Variants in PKD1 observed in about 807,000 individuals in gnomAD.
The protein encoded by PKD1 is polycystin 1, transient receptor potential channel interacting.
A neutral mutation model predicts 361.7 loss-of-function variants in PKD1; 81 were observed. The observed-to-expected ratio is 0.22, with a 90% CI of 0.19 to 0.27. The LOEUF is 0.27. Among genes scored for constraint, PKD1 ranks in the 10% least tolerant of loss-of-function variants. The probability of loss-of-function intolerance (pLI) is 1.00; values close to 1 mark genes in which losing one functional copy is unlikely to be tolerated. For synonymous variants in PKD1, 3,615 were observed against 2,818.3 expected (o/e 1.28, Z -8.95); for missense variants, 6,399 against 6,118.3 (o/e 1.05, Z -1.53).
chr16:2,134,998 C>T (rs1198399262), intron 1 of PKD1: 1 of 572,174 alleles, frequency 1.7e-6, no homozygotes, highest in Admixed American at 6.5e-5. Flanking sequence ...TCTTTGCTCA[C>T]ACCGTTCACC....
In PKD1 at chr16:2,110,720, G is replaced by A. The variant is rs1567200098; in HGVS notation, c.4447C>T (p.Gln1483Ter). The A allele has an allele frequency of 6.2e-7, 1 of 1,610,386 alleles. No homozygotes were observed. Among genetic ancestry groups the A allele is most frequent in the Non-Finnish European group, 8.5e-7 (1 of 1,179,654 alleles). The part of the protein sequence containing the change: ...VNGSLGLELQ[Q>*]PYLFSAVGRG... ...CCCACAGCAGAGAACAGGTACGGCT[G>A]CTGCAGCTCCAGCCCAAGGGAGCCA... The change falls in exon 15 of 46, where the codon CAG becomes TAG. Residue 1483 changes from glutamine (Q) to a stop codon, truncating the protein, a stop_gained. Coordinates refer to ENST00000262304, the MANE Select transcript of PKD1 (RefSeq NM_001009944.3). LOFTEE classifies it high-confidence loss of function.
intron 34 of PKD1, 71 bp from the exon 35 acceptor site, chr16:2,094,281 C>T (rs1468424592): frequency 2.0e-6 from 2 of 978,176 alleles, no homozygotes; most frequent in Non-Finnish European, 1.6e-6. Flanking sequence ...CCATGTTAAC[C>T]TGGGCGGGCA....
chr16:2,095,805 G>A (rs539813268), intron 34 of PKD1, among the ~76,000 whole-genome samples: 24 of 152,342 alleles, frequency 1.6e-4, no homozygotes, highest in African/African-American at 5.1e-4. Context: ...CTGAGCTGCC[G>A]TCAGAAATCC....
In PKD1 at chr16:2,117,921, G is replaced by T; in HGVS notation, c.1071C>A (p.Ala357=). Residue 357 remains alanine, a synonymous_variant, in exon 5 of 46, where the codon GCC becomes GCA. Coordinates refer to ENST00000262304, the MANE Select transcript of PKD1 (RefSeq NM_001009944.3). ...AGGACGGGCACACGAGCTCCAGGGC[G>T]GCAGGTGCCGCTTCCACCTGCACGT... ...GTDVQVEAAP[A]ALELVCPSSV... 7.9e-7 allele frequency: 1 copy of T among 1,268,516 alleles called. No homozygotes were observed. The highest frequency in any genetic ancestry group is 1.1e-6 in the Non-Finnish European group (1 of 902,698). The allele number at this position is 1,268,516 out of a possible 1,614,324, so 78.6% of individuals were successfully genotyped here. A position where few individuals can be genotyped will look rare whatever the true frequency, so the allele number is the denominator to read the frequency against.
At chr16:2,099,153 T>G in intron 30 of PKD1, 1 of 325,206 alleles carries the variant, frequency 3.1e-6, no homozygotes. Context: ...TTTATATAGA[T>G]GGGGTCTTGC....
Position 2,106,651 on chromosome 16 carries a change from G to A in PKD1, c.7236C>T (p.Asn2412=), listed in dbSNP as rs1400898472. ...TGGTCTCATCCAGCACCAGCGTCTT[G>A]TTGCTGAACGTACGTGCAGCCCACC... ...RGRWAARTFS[N]KTLVLDETTT... The change falls in exon 18 of 46, where the codon AAC becomes AAT. Residue 2412 remains asparagine (N), a synonymous_variant. Coordinates refer to ENST00000262304, the MANE Select transcript of PKD1 (RefSeq NM_001009944.3). This position sits in a 1 kb window ranked among gnomAD's most constrained non-coding sequence, Gnocchi z 6.5. 3.8e-6 allele frequency: 6 copies of A among 1,597,588 alleles called. No homozygotes were observed. The highest frequency in any genetic ancestry group is 1.3e-5 in the African/African-American group (1 of 74,928).
At chr16:2,116,347 G>T (rs751349534) in intron 8 of PKD1, among the ~76,000 whole-genome samples, 182 bp downstream of exon 8, 1 of 152,216 alleles carries the variant, frequency 6.6e-6, no homozygotes. Flanking sequence ...CAGAGAAAAG[G>T]CCTGGAGGTA....
rs1555445411 is a variant in PKD1, at chr16:2,091,319, G to GGCGGGGCGCTGCGA, written c.11712+103_11712+104insTCGCAGCGCCCCGC. On this transcript the variant is annotated intron_variant, in intron 42 of 45. Coordinates refer to ENST00000262304, the MANE Select transcript of PKD1 (RefSeq NM_001009944.3). ...CTGCGAGGGGGCGGGACGCTGCGAGGGGGCGGGGCGCTGCGAGGGGTGAGA... is the reference window on the plus strand; with the variant it reads ...CTGCGAGGGGGCGGGACGCTGCGAGGGCGGGGCGCTGCGAGGGCGGGGCGCTGCGAGGGGTGAGA... 4 of 349,782 alleles carry GGCGGGGCGCTGCGA rather than the reference G, an allele frequency of 1.1e-5. No individual in the cohort carries two copies. The African/African-American group carries it at 2.8e-4, about 25-fold the overall frequency. The allele number at this position is 349,782 out of a possible 1,614,324, so 21.7% of individuals were successfully genotyped here.
At chr16:2,096,514 G>C (rs2091854482) in intron 34 of PKD1, among the ~76,000 whole-genome samples, 1 of 151,798 alleles carries the variant, frequency 6.6e-6, no homozygotes, top group African/African-American at 2.4e-5. Flanking sequence ...CCAAGAAATT[G>C]AGGAATTTTT....
chr16:2,096,578 C>T (rs561697252), intron 34 of PKD1, among the ~76,000 whole-genome samples: 87 of 152,186 alleles, frequency 5.7e-4, no homozygotes, highest in African/African-American at 1.8e-3. Context: ...TGCAGTGGCG[C>T]GATCTCGGCT....
rs778565182 is a variant in PKD1, at chr16:2,105,918, C to T, written c.7810G>A (p.Asp2604Asn). Residue 2604 changes from aspartate to asparagine, a missense_variant, in exon 20 of 46, where the codon GAT becomes AAT. Coordinates refer to ENST00000262304, the MANE Select transcript of PKD1 (RefSeq NM_001009944.3). The stretch of plus-strand genomic sequence containing the variant: ...GAGTACTCGATGACGTGCTGGGGAT[C>T]GGCCTGCCGCAGCAGCCCTGGGAGC... Reference protein sequence around the residue: ...SVLPGLLRQADPQHVIEYSLA... With the variant: ...SVLPGLLRQANPQHVIEYSLA... 4.4e-4 allele frequency: 709 copies of T among 1,596,940 alleles called. 14 individuals carry two copies. In the South Asian group the frequency reaches 7.5e-3, roughly 17 times the overall value.
At chr16:2,119,030 G>C in intron 3 of PKD1, 84 bp downstream of exon 3, 1 of 941,616 alleles carries the variant, frequency 1.1e-6, no homozygotes, top group Admixed American at 2.0e-5. Flanking sequence ...AGCCTGGAAG[G>C]GGACACGGAC....
rs541129838 is a variant in PKD1, at chr16:2,118,577, C to A, written c.529+99G>T. 6.9e-6 allele frequency: 6 copies of A among 865,848 alleles called. No homozygotes were observed. Among genetic ancestry groups the A allele is most frequent in the Non-Finnish European group, 1.1e-5 (6 of 538,102 alleles). 53.6% of individuals were successfully genotyped at this position (865,848 alleles called of 1,614,324 possible). The stretch of plus-strand genomic sequence containing the variant: ...ATGCTGTTCCCTTGGCCCGGAGGCC[C>A]CCCCCAGAGAGGCCTTCCTGAGCCC... On this transcript the variant is annotated intron_variant, in intron 4 of 45. Transcript: ENST00000262304. This position sits in a 1 kb window ranked among gnomAD's most constrained non-coding sequence, Gnocchi z 6.0.
At position 2,107,323 on chromosome 16, in the gene PKD1, G is replaced by A. The variant is rs1443311075; in HGVS notation, c.7066-375C>T. 2.1e-5 allele frequency: 8 copies of A among 381,850 alleles called. No homozygotes were observed. In the Admixed American group the frequency reaches 2.2e-4, roughly 11 times the overall value. 23.7% of individuals were successfully genotyped at this position (381,850 alleles called of 1,614,324 possible). The stretch of plus-strand genomic sequence containing the variant: ...CAGACTCCTGCAGCCCTTAGCCAGG[G>A]CCTGGGTCAGGAGGCTGAGCTGGGA... On this transcript the variant is annotated intron_variant, in intron 16 of 45. Coordinates refer to ENST00000262304, the MANE Select transcript of PKD1 (RefSeq NM_001009944.3).
chr16:2,095,724 C>T (rs996262773), intron 34 of PKD1, among the ~76,000 whole-genome samples: 9 of 152,222 alleles, frequency 5.9e-5, no homozygotes, highest in African/African-American at 2.2e-4. Context: ...AAGCACTGTC[C>T]GAGCAAGGGA....
chr16:2,116,068 C>G lies in PKD1; in HGVS notation c.1773G>C (p.Thr591=), dbSNP rs1293448759. The G allele has an allele frequency of 1.3e-6, 2 of 1,532,578 alleles. No homozygotes were observed. Among genetic ancestry groups the G allele is most frequent in the Admixed American group, 1.9e-5 (1 of 51,560 alleles). The allele number at this position is 1,532,578 out of a possible 1,614,324, so 94.9% of individuals were successfully genotyped here. The change falls in exon 9 of 46, where the codon ACG becomes ACC. Residue 591 remains threonine, a synonymous_variant. Coordinates refer to ENST00000262304, the MANE Select transcript of PKD1 (RefSeq NM_001009944.3). ...GGAGCTCCTGGGTCCCAAATTCGGC[C>G]GTGGTGAGGAAGGCTTCACGGCTCA... ...LRLSREAFLT[T]AEFGTQELRR...
chr16:2,112,004 C>G (rs912465076), intron 14 of PKD1, 133 bp from the exon 15 acceptor site: 25 of 971,280 alleles, frequency 2.6e-5, no homozygotes, highest in Admixed American at 2.0e-5. Flanking sequence ...GTCCCAGGCT[C>G]CCAAGCCACG....
Position 2,090,749 on chromosome 16 carries a change from T to G in PKD1, c.12063A>C (p.Arg4021=). Residue 4021 remains arginine (R), a synonymous_variant, in exon 44 of 46, where the codon CGA becomes CGC. Transcript: ENST00000262304. ...TGACCCCCAGGAGCTCTGGCAGAGC[T>G]CGGCATAATGTCTTGCCAAAGACGG... ...QWSVFGKTLC[R]ALPELLGVTL... 6.2e-7 allele frequency: 1 copy of G among 1,612,540 alleles called. No individual in the cohort carries two copies. The highest frequency in any genetic ancestry group is 8.5e-7 in the Non-Finnish European group (1 of 1,179,948).
chr16:2,107,496 G>A (rs1436829993), intron 16 of PKD1: 4 of 379,748 alleles, frequency 1.1e-5, no homozygotes, highest in East Asian at 6.3e-5. Context: ...CAGCCACCAC[G>A]GGCTCAGGGT....
Sources: allele counts gnomAD v4.1 joint callset (sites outside exome capture counted in the v4.1 genomes callset), GRCh38; gene constraint gnomAD v4.1.1; non-coding constraint Gnocchi (gnomAD v3.1); transcripts MANE v1.5; gene names NCBI Gene and HGNC (gene_info 2026-07-23, HGNC 2026-07-21).